Variants in UTRN observed in about 807,000 individuals in gnomAD.
UTRN encodes dystrophin-related protein 1.
Under a neutral mutation model 463.9 loss-of-function variants are expected in UTRN, and 283 were observed. The observed-to-expected ratio is 0.61, with a 90% CI of 0.55 to 0.67. UTRN has a LOEUF of 0.67. Among genes scored for constraint, UTRN ranks in the 30% least tolerant of loss-of-function variants. UTRN has a pLI of 0.00. For missense variants in UTRN, 3,922 were observed against 4,084.3 expected, an observed-to-expected ratio of 0.96 and a Z score of 1.08; for synonymous variants, 1,442 against 1,431.5, an observed-to-expected ratio of 1.01 and a Z score of -0.17.
intron 2 of UTRN, among the ~76,000 whole-genome samples, chr6:144,348,886 G>T (rs1488391424): frequency 6.6e-6 from 1 of 151,974 alleles, no homozygotes; most frequent in East Asian, 1.9e-4. Flanking sequence ...GTGAGCAGAG[G>T]TTGCGCCATT....
chr6:144,505,924 A>C (rs1794655333), intron 34 of UTRN, among the ~76,000 whole-genome samples: 1 of 152,164 alleles, frequency 6.6e-6, no homozygotes. Flanking sequence ...TTGCTTTATG[A>C]ATCTGGGTCC....
intron 37 of UTRN, among the ~76,000 whole-genome samples, chr6:144,515,951 T>C (rs1176230947): frequency 6.6e-6 from 1 of 152,204 alleles, no homozygotes; most frequent in African/African-American, 2.4e-5. Context: ...TATGCTCGCA[T>C]GTGGTCTCCA....
intron 23 of UTRN, among the ~76,000 whole-genome samples, chr6:144,471,636 C>T (rs4896724): frequency 0.34 from 52,419 of 152,068 alleles, 11,962 homozygotes; most frequent in African/African-American, 0.66. Flanking sequence ...TATGCTAAGA[C>T]CTTGAAATGC....
At chr6:144,637,799 G>T (rs1412837766) in intron 51 of UTRN, among the ~76,000 whole-genome samples, 1 of 152,134 alleles carries the variant, frequency 6.6e-6, no homozygotes, top group African/African-American at 2.4e-5. Flanking sequence ...ATTTACACTT[G>T]CTGGGAGCCC....
rs541463095 is a variant in UTRN at position 144,488,271 on chromosome 6, C to T, written c.3973-402C>T. 5.3e-5 allele frequency among the ~76,000 whole-genome samples: 8 copies of T among 152,038 alleles called. No individual in the cohort carries two copies. In the South Asian group the frequency reaches 1.7e-3, roughly 32 times the overall value. On this transcript the variant is annotated intron_variant, in intron 29 of 74. Coordinates refer to ENST00000367545, the MANE Select transcript of UTRN (RefSeq NM_007124.3). ...GTACACCTATAGAATTTGTTTTAGG[C>T]TTTGGAAAAAAAGAGACTCTGATGT...
intron 2 of UTRN, among the ~76,000 whole-genome samples, chr6:144,335,627 G>A (rs1776659113): frequency 2.0e-5 from 3 of 152,148 alleles, no homozygotes; most frequent in African/African-American, 7.2e-5. Flanking sequence ...GAACAGAGTA[G>A]GCACTGCTTA....
chr6:144,522,765 G>A (rs1175173202), intron 40 of UTRN, among the ~76,000 whole-genome samples: 1 of 151,716 alleles, frequency 6.6e-6, no homozygotes, highest in Non-Finnish European at 1.5e-5. Flanking sequence ...CCTTTCATGT[G>A]TTCTGTACAA....
intron 51 of UTRN, among the ~76,000 whole-genome samples, chr6:144,677,126 T>C (rs2128682533): frequency 6.6e-6 from 1 of 152,294 alleles, no homozygotes; most frequent in Non-Finnish European, 1.5e-5. Context: ...CAATTTAAGT[T>C]CTGGGATACA....
intron 51 of UTRN, among the ~76,000 whole-genome samples, chr6:144,587,857 C>T (rs1038809495): frequency 2.0e-5 from 3 of 152,144 alleles, no homozygotes; most frequent in African/African-American, 7.2e-5. Context: ...AGCTCAGAGT[C>T]ATGACCCTCT....
At chr6:144,317,980 C>A (rs1396399390) in intron 2 of UTRN, among the ~76,000 whole-genome samples, 1 of 150,700 alleles carries the variant, frequency 6.6e-6, no homozygotes, top group African/African-American at 2.5e-5. Context: ...TTTGACAAAC[C>A]TCACGACTGT....
chr6:144,840,936 T>C (rs1562972985), intron 73 of UTRN, 104 bp downstream of exon 73: 2 of 1,201,072 alleles, frequency 1.7e-6, no homozygotes, highest in African/African-American at 1.5e-5. Context: ...AAAAACCTTA[T>C]TACAAACAGG....
At chr6:144,642,131 G>A (rs1296037602) in intron 51 of UTRN, among the ~76,000 whole-genome samples, 2 of 152,160 alleles carry the variant, frequency 1.3e-5, no homozygotes, top group Non-Finnish European at 2.9e-5. Context: ...AGCTGCAAAA[G>A]CGTGGTCTGA....
chr6:144,330,878 G>T (rs533133401), intron 2 of UTRN: 1 of 985,370 alleles, frequency 1.0e-6, no homozygotes, highest in South Asian at 4.7e-5. Context: ...CCAGCCGAGG[G>T]GTACACATCC....
At chr6:144,754,435 C>T (rs1351888264) in intron 56 of UTRN, among the ~76,000 whole-genome samples, 1 of 151,592 alleles carries the variant, frequency 6.6e-6, no homozygotes, top group African/African-American at 2.4e-5. Flanking sequence ...ATAAAAATAA[C>T]CTTTACAGTT....
Position 144,514,651 on chromosome 6 carries a change from G to T in UTRN, c.5075G>T (p.Arg1692Leu), listed in dbSNP as rs201062311. 5.6e-6 allele frequency: 9 copies of T among 1,612,394 alleles called. No individual in the cohort carries two copies. Among genetic ancestry groups the T allele is most frequent in the African/African-American group, 4.0e-5 (3 of 74,890 alleles). ...AATTTTGTGTTTTCTTATAATTAGCGTTTAGTATCTGAGCTGGATGATGCC... is the reference window on the plus strand; with the variant it reads ...AATTTTGTGTTTTCTTATAATTAGCTTTTAGTATCTGAGCTGGATGATGCC... ...PTSKQEEIVK[R>L]LVSELDDANL... is the part of the protein sequence containing the mutation. Residue 1692 changes from arginine (R) to leucine (L), a missense_variant and splice_region_variant, in exon 37 of 75, where the codon CGT (arginine) becomes CTT (leucine). By Grantham distance (102) the Arg-to-Leu change is moderately radical. This residue lies in a region of UTRN where 2,349 missense variants were observed against 2,303.8 expected (regional missense o/e 1.02). Transcript: ENST00000367545.
At chr6:144,827,282 C>G in intron 66 of UTRN, 66 bp from the exon 67 acceptor site, 1 of 1,591,496 alleles carries the variant, frequency 6.3e-7, no homozygotes, top group Admixed American at 1.7e-5. Context: ...ACCCCCACTG[C>G]TTTTGTCTTA....
chr6:144,549,887 C>T (rs1465303671), intron 47 of UTRN, among the ~76,000 whole-genome samples: 1 of 152,184 alleles, frequency 6.6e-6, no homozygotes, highest in Non-Finnish European at 1.5e-5. Context: ...TGTGCAAAGC[C>T]CTTTGGATTT....
chr6:144,568,621 A>C (rs1800646920), intron 50 of UTRN, among the ~76,000 whole-genome samples: 1 of 152,146 alleles, frequency 6.6e-6, no homozygotes, highest in South Asian at 2.1e-4. Flanking sequence ...TGCGATCGGC[A>C]CACTACTCAT....
chr6:144,522,147 C>G lies in UTRN; in HGVS notation c.5709C>G (p.Phe1903Leu). ...TCAACACTGCTATTTACGAAGACTT[C>G]TCTTTTCAGGAAGACTCTCTGAAGG... ...PELNTAIYED[F>L]SFQEDSLKNI... is the part of the protein sequence containing the mutation. Residue 1903 changes from phenylalanine (F) to leucine (L), a missense_variant, in exon 40 of 75, where the codon TTC becomes TTG. This residue lies in a region of UTRN where 2,349 missense variants were observed against 2,303.8 expected (regional missense o/e 1.02). Coordinates refer to ENST00000367545, the MANE Select transcript of UTRN (RefSeq NM_007124.3). The G allele has an allele frequency of 6.5e-7, 1 of 1,541,682 alleles. No individual in the cohort carries two copies. The highest frequency in any genetic ancestry group is 8.7e-7 in the Non-Finnish European group (1 of 1,145,002).
Sources: allele counts gnomAD v4.1 joint callset (sites outside exome capture counted in the v4.1 genomes callset), GRCh38; gene constraint gnomAD v4.1.1; regional missense constraint gnomAD v4.1.1; transcripts MANE v1.5; gene names NCBI Gene and HGNC (gene_info 2026-07-23, HGNC 2026-07-21).